Variants in LARP1B observed in about 807,000 individuals in gnomAD.
LARP1B encodes la-related protein 1B.
LARP1B carries 76 observed loss-of-function variants against 114.2 expected under a neutral mutation model. The ratio of observed to expected loss-of-function variants is 0.67; its 90% CI spans 0.55 to 0.81. The LOEUF (loss-of-function observed/expected upper bound fraction) is 0.81, where lower values mean the gene tolerates loss of function less well. Ranked by LOEUF, LARP1B falls within the 30% of genes least tolerant of loss-of-function variation. The pLI is 0.00. For synonymous variants in LARP1B, 345 were observed against 348.0 expected (o/e 0.99, Z 0.10); for missense variants, 1,014 against 1,075.8 (o/e 0.94, Z 0.80).
chr4:128,064,538 T>G (rs1047897030), intron 1 of LARP1B, among the ~76,000 whole-genome samples: 2 of 152,212 alleles, frequency 1.3e-5, no homozygotes, highest in Non-Finnish European at 2.9e-5. Context: ...GAGAACATGG[T>G]TAAGTGAAGA....
intron 3 of LARP1B, among the ~76,000 whole-genome samples, chr4:128,076,546 G>A (rs1767964091): frequency 6.6e-6 from 1 of 152,080 alleles, no homozygotes; most frequent in South Asian, 2.1e-4. Context: ...CGTTTTGGTT[G>A]ATACAAATAA....
chr4:128,188,412 C>T (rs574553706), intron 15 of LARP1B, among the ~76,000 whole-genome samples: 2 of 152,260 alleles, frequency 1.3e-5, no homozygotes, highest in East Asian at 3.9e-4. Flanking sequence ...CAGCCTAATA[C>T]ATCTAGCTGA....
At position 128,107,233 on chromosome 4, in the gene LARP1B, G is replaced by A. The variant is rs147901118; in HGVS notation, c.908G>A (p.Arg303His). The A allele has an allele frequency of 3.8e-5, 62 of 1,614,028 alleles. No individual in the cohort carries two copies. The highest frequency in any genetic ancestry group is 9.3e-5 in the African/African-American group (7 of 75,034). The change falls in exon 9 of 20, where the codon CGC (arginine) becomes CAC (histidine). Residue 303 changes from arginine (R) to histidine (H), a missense_variant. Transcript: ENST00000326639. Reference sequence around the variant, plus strand: ...TGGCCAATTCCAGGCCCTCCTCCACGCAGTGTGCCACCAACAGACTTCTCT... The same window carrying A: ...TGGCCAATTCCAGGCCCTCCTCCACACAGTGTGCCACCAACAGACTTCTCT... ...EKWPIPGPPPRSVPPTDFSQL... is the reference protein window; with the variant it reads ...EKWPIPGPPPHSVPPTDFSQL...
Position 128,111,043 on chromosome 4 carries a change from A to ATT in LARP1B, c.989-3509_989-3508dup, listed in dbSNP as rs765576523. Among the ~76,000 whole-genome samples the ATT allele has an allele frequency of 1.3e-3, 176 of 136,328 alleles. 1 individual carries two copies. The highest frequency in any genetic ancestry group is 9.3e-3 in the East Asian group (43 of 4,648). 89.4% of individuals were successfully genotyped at this position (136,328 alleles called of 152,430 possible). A position where few individuals can be genotyped will look rare whatever the true frequency, so the allele number is the denominator to read the frequency against. ...CTGGGTGACATACCAAAAACTCATA[A>ATT]TTTTTTTTTTTTTTTTTTTAAGAGA... On this transcript the variant is annotated intron_variant, in intron 9 of 19. Transcript: ENST00000326639.
At chr4:128,207,556 A>C (rs1446991835) in intron 19 of LARP1B, among the ~76,000 whole-genome samples, 173 bp downstream of exon 19, 1 of 152,220 alleles carries the variant, frequency 6.6e-6, no homozygotes, top group East Asian at 1.9e-4. Flanking sequence ...TACTCTGTTC[A>C]CTCAGATTTC....
At chr4:128,069,458 T>G (rs1242365581) in intron 1 of LARP1B, 7 of 757,562 alleles carry the variant, frequency 9.2e-6, no homozygotes, top group Admixed American at 3.4e-5. Context: ...TAACATAAAC[T>G]TGGTTGGCCT....
At chr4:128,065,315 T>TTCTTTCTTTCTTTC (rs1300396452) in intron 1 of LARP1B, among the ~76,000 whole-genome samples, 11 of 80,664 alleles carry the variant, frequency 1.4e-4, no homozygotes, top group African/African-American at 4.9e-4. Context: ...CTTTCTTTCT[T>TTCTTTCTTTCTTTC]TCTCTCTCTC....
chr4:128,130,961 G>A (rs1165543036), intron 11 of LARP1B, among the ~76,000 whole-genome samples: 2 of 152,190 alleles, frequency 1.3e-5, no homozygotes, highest in African/African-American at 4.8e-5. Flanking sequence ...TTCCAACTAC[G>A]TGGCATTCTG....
intron 8 of LARP1B, among the ~76,000 whole-genome samples, chr4:128,106,659 A>G (rs1782201823): frequency 6.6e-6 from 1 of 151,488 alleles, no homozygotes; most frequent in South Asian, 2.1e-4. Flanking sequence ...GATTAAGTTT[A>G]TTTCTTTGAG....
At position 128,217,117 on chromosome 4, in the gene LARP1B, C is replaced by T. The variant is rs1578843861; in HGVS notation, n.849-3238C>T. 3.4e-5 allele frequency among the ~76,000 whole-genome samples: 5 copies of T among 148,694 alleles called. No individual in the cohort carries two copies. The East Asian group carries it at 9.9e-4, about 30-fold the overall frequency. The stretch of plus-strand genomic sequence containing the variant: ...GGAAGAAATTGAATCTCTGAATAGA[C>T]CAATAACAGGCTCTGAAATTGTGGC... On this transcript the variant is annotated intron_variant and non_coding_transcript_variant, in intron 6 of 7. Coordinates refer to the LARP1B transcript ENST00000503725.
In LARP1B at chr4:128,122,431, T is replaced by C. The variant is rs1389759349; in HGVS notation, c.1524+243T>C. On this transcript the variant is annotated intron_variant, in intron 11 of 19. Coordinates refer to ENST00000326639, the MANE Select transcript of LARP1B (RefSeq NM_018078.4). Reference sequence around the variant, plus strand: ...AAGAAAATTAGTACTCACTGACTTATACCCTTGTTTTTTTTTTTTTTTGTT... The same window carrying C: ...AAGAAAATTAGTACTCACTGACTTACACCCTTGTTTTTTTTTTTTTTTGTT... 5.4e-6 allele frequency: 8 copies of C among 1,472,548 alleles called. No homozygotes were observed. In the Admixed American group the frequency reaches 7.0e-5, roughly 13 times the overall value. The allele number at this position is 1,472,548 out of a possible 1,614,324, so 91.2% of individuals were successfully genotyped here. A position where few individuals can be genotyped will look rare whatever the true frequency, so the allele number is the denominator to read the frequency against.
chr4:128,094,382 TTTTTTC>T (rs1476118231), intron 7 of LARP1B, among the ~76,000 whole-genome samples: 12 of 151,140 alleles, frequency 7.9e-5, no homozygotes, highest in African/African-American at 1.9e-4. Context: ...GGTTTTTTCC[TTTTTTC>T]TTTTTCTTTT....
rs1169937436 is a variant in LARP1B at position 128,107,308 on chromosome 4, A to C, written c.983A>C (p.His328Pro). The C allele has an allele frequency of 6.2e-7, 1 of 1,613,972 alleles. No homozygotes were observed. The highest frequency in any genetic ancestry group is 2.2e-5 in the East Asian group (1 of 44,892). ...EFVPGQAFCS[H>P]TESAPNSPRI... The stretch of plus-strand genomic sequence containing the variant: ...GTACCAGGCCAAGCCTTTTGCTCAC[A>C]TACAGGTAACATCTTTTCTTCTAGA... The change falls in exon 9 of 20, where the codon CAT becomes CCT. Residue 328 changes from histidine (H) to proline (P), a missense_variant. Coordinates refer to ENST00000326639, the MANE Select transcript of LARP1B (RefSeq NM_018078.4).
Position 128,082,044 on chromosome 4 carries a change from A to G in LARP1B, c.218-121A>G, listed in dbSNP as rs1006709325. ...AGCCACCGTGTCTGGCCTCTTTACA[A>G]ATAATCTTAAAATACACATTAAGTG... On this transcript the variant is annotated intron_variant, in intron 4 of 19. Transcript: ENST00000326639. The G allele has an allele frequency of 3.1e-6, 3 of 978,572 alleles. No homozygotes were observed. In the African/African-American group the frequency reaches 4.9e-5, roughly 16 times the overall value. 60.6% of individuals were successfully genotyped at this position (978,572 alleles called of 1,614,324 possible). A position where few individuals can be genotyped will look rare whatever the true frequency, so the allele number is the denominator to read the frequency against.
intron 11 of LARP1B, among the ~76,000 whole-genome samples, chr4:128,125,486 G>A (rs1380857500): frequency 1.3e-5 from 2 of 152,234 alleles, no homozygotes; most frequent in Non-Finnish European, 2.9e-5. Flanking sequence ...AGTGGCTCAC[G>A]CCTGTAATCC....
rs570446145 is a variant in LARP1B at position 128,141,107 on chromosome 4, C to T, written c.1524+18919C>T. ...GGGATTACAGGCATGAGCCACCGCA[C>T]CTGGCCAATTGTCTCTGCTTTTTTG... On this transcript the variant is annotated intron_variant, in intron 11 of 19. Coordinates refer to ENST00000326639, the MANE Select transcript of LARP1B (RefSeq NM_018078.4). Among the ~76,000 whole-genome samples, 3 of 152,282 alleles carry T rather than the reference C, an allele frequency of 2.0e-5. No homozygotes were observed. The South Asian group carries it at 6.2e-4, about 32-fold the overall frequency.
chr4:128,143,053 G>A (rs185295619), intron 11 of LARP1B, among the ~76,000 whole-genome samples: 49 of 152,058 alleles, frequency 3.2e-4, no homozygotes, highest in African/African-American at 1.1e-3. Context: ...TTGGGAGGCC[G>A]AGGCAGGCTG....
At chr4:128,088,959 G>GT (rs1428723431) in intron 5 of LARP1B, among the ~76,000 whole-genome samples, 2 of 151,858 alleles carry the variant, frequency 1.3e-5, no homozygotes, top group Non-Finnish European at 2.9e-5. Flanking sequence ...ACTCATCTCT[G>GT]TTAAAAAAAA....
At chr4:128,151,148 TTTCTATGTATAAATA>T (rs1207124363) in intron 11 of LARP1B, among the ~76,000 whole-genome samples, 1 of 152,216 alleles carries the variant, frequency 6.6e-6, no homozygotes, top group African/African-American at 2.4e-5. Flanking sequence ...ATTTCCTTTT[TTTCTATGTATAAATA>T]TATAGGTGCA....
Sources: gnomAD v4.1 joint callset for allele counts (sites outside exome capture counted in the v4.1 genomes callset) on GRCh38, gnomAD v4.1.1 for gene constraint, MANE v1.5 for transcripts, NCBI Gene and HGNC (gene_info 2026-07-23, HGNC 2026-07-21) for gene names.